Variants in RPS6KC1 observed in about 807,000 individuals in gnomAD.
RPS6KC1 encodes the protein inactive ribosomal protein S6 kinase delta-1.
Under a neutral mutation model 103.8 loss-of-function variants are expected in RPS6KC1, and 54 were observed. The ratio of observed to expected loss-of-function variants is 0.52; its 90% CI spans 0.42 to 0.65. RPS6KC1 has a LOEUF of 0.65. Among genes scored for constraint, RPS6KC1 ranks in the 30% least tolerant of loss-of-function variants. The pLI is 0.00. For missense variants in RPS6KC1, 1,151 were observed against 1,253.8 expected (o/e 0.92, Z 1.24); for synonymous variants, 439 against 438.7 (o/e 1.00, Z -0.01).
the RPS6KC1 span, among the ~76,000 whole-genome samples, chr1:213,497,376 GA>G: frequency 5.7e-4 from 82 of 142,820 alleles, no homozygotes; most frequent in African/African-American, 1.0e-3. Flanking sequence ...TTAACTTAAG[GA>G]AAAAAAAAAA....
the RPS6KC1 span, among the ~76,000 whole-genome samples, chr1:213,372,065 G>C: frequency 6.6e-6 from 1 of 152,212 alleles, no homozygotes; most frequent in Non-Finnish European, 1.5e-5. Flanking sequence ...CATCTTTGCT[G>C]TGCAGCTCCC....
At chr1:213,355,095 A>G in the RPS6KC1 span, among the ~76,000 whole-genome samples, 1 of 152,072 alleles carries the variant, frequency 6.6e-6, no homozygotes, top group Non-Finnish European at 1.5e-5. Flanking sequence ...GCGTATGCCT[A>G]TAATTCCAGC....
intron 3 of RPS6KC1, 38 bp from the exon 4 acceptor site, chr1:213,104,416 C>G (rs1044303129): frequency 7.6e-7 from 1 of 1,322,350 alleles, no homozygotes; most frequent in Non-Finnish European, 1.1e-6. Context: ...AGTGTTTGAT[C>G]ATTCTTCCCT....
the RPS6KC1 span, among the ~76,000 whole-genome samples, chr1:213,625,956 G>T: frequency 6.6e-6 from 1 of 152,122 alleles, no homozygotes; most frequent in Non-Finnish European, 1.5e-5. Flanking sequence ...GTAATGGGAT[G>T]GCTGGGTCAA....
chr1:213,287,411 G>A, the RPS6KC1 span, among the ~76,000 whole-genome samples: 206 of 152,228 alleles, frequency 1.4e-3, no homozygotes, highest in Non-Finnish European at 2.2e-3. Context: ...CTTCCTCAAG[G>A]CATTTACTGC....
At chr1:213,505,451 C>T in the RPS6KC1 span, among the ~76,000 whole-genome samples, 2 of 152,188 alleles carry the variant, frequency 1.3e-5, no homozygotes, top group African/African-American at 4.8e-5. Context: ...GCTATATGAC[C>T]TTGGGCAAGC....
the RPS6KC1 span, among the ~76,000 whole-genome samples, chr1:213,765,232 C>G: frequency 6.6e-6 from 1 of 152,298 alleles, no homozygotes; most frequent in East Asian, 1.9e-4. Context: ...TTTCTCCACT[C>G]CCTTTCTGAT....
intron 1 of RPS6KC1, among the ~76,000 whole-genome samples, chr1:213,054,531 T>C (rs948582780): frequency 3.3e-5 from 5 of 152,196 alleles, no homozygotes; most frequent in African/African-American, 1.2e-4. Context: ...ATTAAGAATG[T>C]CTTCTGTATA....
At chr1:213,375,166 CACACAT>C in the RPS6KC1 span, among the ~76,000 whole-genome samples, 3 of 150,780 alleles carry the variant, frequency 2.0e-5, no homozygotes, top group African/African-American at 5.0e-5. Flanking sequence ...TACACGCATA[CACACAT>C]ACACATACAC....
chr1:213,143,203 C>A (rs10864037), intron 6 of RPS6KC1, among the ~76,000 whole-genome samples: 68,046 of 151,748 alleles, frequency 0.45, 19,131 homozygotes, highest in Non-Finnish European at 0.62. Flanking sequence ...TATATTTCTT[C>A]TTTCGTGAAA....
At chr1:213,841,740 T>C in the RPS6KC1 span, among the ~76,000 whole-genome samples, 3 of 152,214 alleles carry the variant, frequency 2.0e-5, no homozygotes, top group African/African-American at 4.8e-5. Context: ...AATCAGACTT[T>C]TCCAGCAAAG....
chr1:213,413,293 T>G, the RPS6KC1 span, among the ~76,000 whole-genome samples: 1 of 152,250 alleles, frequency 6.6e-6, no homozygotes, highest in Admixed American at 6.5e-5. Context: ...TTTTGAGTTA[T>G]CTTGAAATAT....
At chr1:213,302,997 G>A in the RPS6KC1 span, among the ~76,000 whole-genome samples, 6 of 151,950 alleles carry the variant, frequency 3.9e-5, no homozygotes, top group East Asian at 1.9e-4. Flanking sequence ...CAGAATTTGC[G>A]TTTTTAACAA....
At chr1:213,593,980 C>T in the RPS6KC1 span, among the ~76,000 whole-genome samples, 2 of 152,180 alleles carry the variant, frequency 1.3e-5, no homozygotes, top group Non-Finnish European at 2.9e-5. Flanking sequence ...ATGCTTGTGC[C>T]TCAGCCTACC....
chr1:213,533,077 T>C, the RPS6KC1 span, among the ~76,000 whole-genome samples: 1 of 152,306 alleles, frequency 6.6e-6, no homozygotes, highest in Non-Finnish European at 1.5e-5. Flanking sequence ...TGGAAGGTTT[T>C]TGAGTACAGA....
chr1:213,736,943 G>T, the RPS6KC1 span, among the ~76,000 whole-genome samples: 842 of 152,338 alleles, frequency 5.5e-3, 6 homozygotes, highest in Non-Finnish European at 9.2e-3. Flanking sequence ...TCCCCAAGGA[G>T]CTCTTTGAGG....
chr1:213,167,928 T>C lies in RPS6KC1; in HGVS notation c.906T>C (p.Ser302=). 6.2e-7 allele frequency: 1 copy of C among 1,613,836 alleles called. No individual in the cohort carries two copies. The highest frequency in any genetic ancestry group is 8.5e-7 in the Non-Finnish European group (1 of 1,179,822). ...CCGAGTACCTCATGCGGGCAGAAAG[T>C]ATCTCTAGTCTTTATGGGAAACCTC... The part of the protein sequence containing the change: ...RTAEYLMRAE[S]ISSLYGKPQL... Residue 302 remains serine, a synonymous_variant, in exon 7 of 15, where the codon AGT becomes AGC. Transcript: ENST00000366960.
chr1:213,602,016 C>CTTTTCT, the RPS6KC1 span, among the ~76,000 whole-genome samples: 7 of 25,192 alleles, frequency 2.8e-4, 1 homozygote, highest in Admixed American at 5.3e-4. Context: ...CTTTTCTTTT[C>CTTTTCT]TTTCTTTCTT....
chr1:213,825,363 A>T, the RPS6KC1 span, among the ~76,000 whole-genome samples: 7 of 152,226 alleles, frequency 4.6e-5, no homozygotes, highest in African/African-American at 1.4e-4. Context: ...GCATACTTGC[A>T]GTGCAGTTTT....
Sources: gnomAD v4.1 joint callset for allele counts (sites outside exome capture counted in the v4.1 genomes callset) on GRCh38, gnomAD v4.1.1 for gene constraint, MANE v1.5 for transcripts, NCBI Gene and HGNC (gene_info 2026-07-23, HGNC 2026-07-21) for gene names.